Variants in CDH24 observed in about 807,000 individuals in gnomAD.
The protein encoded by CDH24 is cadherin 24, also known as cadherin-24.
Under a neutral mutation model 71.2 loss-of-function variants are expected in CDH24, and 61 were observed. The ratio of observed to expected loss-of-function variants is 0.86; its 90% CI spans 0.70 to 1.06. CDH24 has a LOEUF of 1.06. Ranked by LOEUF, CDH24 falls within the 50% of genes least tolerant of loss-of-function variation. The probability of loss-of-function intolerance (pLI) is 0.00; values close to 1 mark genes in which losing one functional copy is unlikely to be tolerated. For synonymous variants in CDH24, 440 were observed against 470.2 expected (o/e 0.94, Z 0.83); for missense variants, 961 against 1,083.7 (o/e 0.89, Z 1.59).
In CDH24 at chr14:23,055,060, G is replaced by T; in HGVS notation, c.495C>A (p.Val165=). ...YHATVPEMSN[V]GTSVIQVTAH... Reference sequence around the variant, plus strand: ...GGCATTCAGAGCTGGGGTGCTCACCGACATTGGACATCTCGGGCACGGTGG... The same window carrying T: ...GGCATTCAGAGCTGGGGTGCTCACCTACATTGGACATCTCGGGCACGGTGG... The change falls in exon 3 of 13, where the codon GTC becomes GTA. Residue 165 remains valine, a splice_region_variant and synonymous_variant. Coordinates refer to ENST00000487137, the MANE Select transcript of CDH24 (RefSeq NM_144985.4). The surrounding 1 kb of genome is among the most constrained non-coding windows in gnomAD (Gnocchi z 4.1). 1 of 1,608,058 alleles carries T rather than the reference G, an allele frequency of 6.2e-7. No homozygotes were observed. Among genetic ancestry groups the T allele is most frequent in the East Asian group, 2.2e-5 (1 of 44,700 alleles).
chr14:23,049,709 T>C lies in CDH24; in HGVS notation c.1515A>G (p.Arg505=), dbSNP rs11623976. The C allele has an allele frequency of 0.21, 345,522 of 1,610,400 alleles. 40,423 individuals carry two copies. Among genetic ancestry groups the C allele is most frequent in the Non-Finnish European group, 0.24 (278,572 of 1,177,342 alleles). The change falls in exon 10 of 13, where the codon AGA becomes AGG. Residue 505 remains arginine, a synonymous_variant. Transcript: ENST00000487137. ...QLIQVIRALD[R]DEVGNSSHVS... ...CATGGCTACTGTTGCCAACTTCATC[T>C]CTGTCCAGGGCCCGGATGACCTGAA...
chr14:23,051,044 C>T lies in CDH24; in HGVS notation c.1364-1101G>A, dbSNP rs992466868. 6.6e-6 allele frequency among the ~76,000 whole-genome samples: 1 copy of T among 152,092 alleles called. No homozygotes were observed. The highest frequency in any genetic ancestry group is 2.4e-5 in the African/African-American group (1 of 41,400). ...CAGTGACTAGAAACGCACACACACA[C>T]AAAGCTATGTATATATAAGCAGCCA... is the stretch of plus-strand genomic sequence containing the variant. On this transcript the variant is annotated intron_variant, in intron 8 of 12. Coordinates refer to ENST00000487137, the MANE Select transcript of CDH24 (RefSeq NM_144985.4). This position sits in a 1 kb window ranked among gnomAD's most constrained non-coding sequence, Gnocchi z 4.4.
intron 8 of CDH24, chr14:23,052,136 A>G (rs2047089202): frequency 2.0e-6 from 2 of 1,006,848 alleles, no homozygotes; most frequent in South Asian, 1.4e-5. Flanking sequence ...GTTGGGGGCT[A>G]TGTAAGGTCT....
chr14:23,049,459 G>A (rs770980362), intron 10 of CDH24, among the ~76,000 whole-genome samples, 168 bp downstream of exon 10: 1 of 152,086 alleles, frequency 6.6e-6, no homozygotes, highest in African/African-American at 2.4e-5. Context: ...AGCTTCCCAT[G>A]GGGAAGGTTT....
chr14:23,055,568 C>T lies in CDH24; in HGVS notation c.166G>A (p.Glu56Lys), dbSNP rs1287831055. Residue 56 changes from glutamate to lysine, a missense_variant, in exon 2 of 13, where the codon GAA becomes AAA. This residue lies in a region of CDH24 where 671 missense variants were observed against 810.9 expected (regional missense o/e 0.83). Coordinates refer to ENST00000487137, the MANE Select transcript of CDH24 (RefSeq NM_144985.4). The surrounding 1 kb of genome is among the most constrained non-coding windows in gnomAD (Gnocchi z 4.1). ...WVWNQFFVIEEYAGPEPVLIG... is the reference protein window; with the variant it reads ...WVWNQFFVIEKYAGPEPVLIG... ...AGAACAGGCTCTGGACCAGCATATT[C>T]CTCAATGACAAAGAACTGGTTCCAG... 2 of 1,613,964 alleles carry T rather than the reference C, an allele frequency of 1.2e-6. No homozygotes were observed. The highest frequency in any genetic ancestry group is 1.7e-6 in the Non-Finnish European group (2 of 1,180,036).
At position 23,050,599 on chromosome 14, in the gene CDH24, C is replaced by T. The variant is rs1353318167; in HGVS notation, c.1364-656G>A. ...ATCACTTATCTTGGGTAGAAAGGTGCTGCATGATCTACAGGGTGCAGAGCC... is the reference window on the plus strand; with the variant it reads ...ATCACTTATCTTGGGTAGAAAGGTGTTGCATGATCTACAGGGTGCAGAGCC... On this transcript the variant is annotated intron_variant, in intron 8 of 12. Transcript: ENST00000487137. Among the ~76,000 whole-genome samples the T allele has an allele frequency of 2.0e-5, 3 of 152,076 alleles. No homozygotes were observed. In the South Asian group the frequency reaches 6.2e-4, roughly 32 times the overall value.
rs1344055550 is a variant in CDH24, at chr14:23,054,883, C to T, written c.497-17G>A. On this transcript the variant is annotated splice_polypyrimidine_tract_variant and intron_variant, in intron 3 of 12. Transcript: ENST00000487137. This position sits in a 1 kb window ranked among gnomAD's most constrained non-coding sequence, Gnocchi z 5.2. ...CTGATGTCCCTGTGGGGGATGCCAG[C>T]ACGCCATTCAGCAGCAGCAGGGAAG... is the stretch of plus-strand genomic sequence containing the variant. 1 of 1,612,124 alleles carries T rather than the reference C, an allele frequency of 6.2e-7. No homozygotes were observed. Among genetic ancestry groups the T allele is most frequent in the Admixed American group, 1.7e-5 (1 of 60,002 alleles).
At position 23,054,913 on chromosome 14, in the gene CDH24, G is replaced by C. The variant is rs374922296; in HGVS notation, c.497-47C>G. 1 of 1,596,284 alleles carries C rather than the reference G, an allele frequency of 6.3e-7. No homozygotes were observed. On this transcript the variant is annotated intron_variant, in intron 3 of 12. Coordinates refer to ENST00000487137, the MANE Select transcript of CDH24 (RefSeq NM_144985.4). The surrounding 1 kb of genome is among the most constrained non-coding windows in gnomAD (Gnocchi z 5.2). ...CATTCAGCAGCAGCAGGGAAGGATG[G>C]GGAAGAACAACCGATGGGGGGGGAT...
chr14:23,049,286 G>T lies in CDH24; in HGVS notation c.1598-11C>A. On this transcript the variant is annotated splice_polypyrimidine_tract_variant and intron_variant, in intron 10 of 12. Transcript: ENST00000487137. ...GGCTGGCGGAGCCATCTGTGGGAGAGGGAAGGTGTTGAGGTATCTTCTGGG... is the reference window on the plus strand; with the variant it reads ...GGCTGGCGGAGCCATCTGTGGGAGATGGAAGGTGTTGAGGTATCTTCTGGG... 1 of 1,565,556 alleles carries T rather than the reference G, an allele frequency of 6.4e-7. No homozygotes were observed. The highest frequency in any genetic ancestry group is 1.2e-5 in the South Asian group (1 of 85,352).
intron 1 of CDH24, among the ~76,000 whole-genome samples, chr14:23,056,794 G>A (rs940895813): frequency 1.3e-5 from 2 of 152,028 alleles, no homozygotes; most frequent in African/African-American, 2.4e-5. Context: ...CACGGGAAGG[G>A]AGCTAGAGAG....
rs1205846407 is a variant in CDH24, at chr14:23,055,937, C to G, written c.-124-80G>C. The G allele has an allele frequency of 1.8e-6, 1 of 567,002 alleles. No individual in the cohort carries two copies. The highest frequency in any genetic ancestry group is 3.1e-6 in the Non-Finnish European group (1 of 318,220). The allele number at this position is 567,002 out of a possible 1,614,324, so 35.1% of individuals were successfully genotyped here. A position where few individuals can be genotyped will look rare whatever the true frequency, so the allele number is the denominator to read the frequency against. ...CAAAATTAGATGCTGAAGACCAGAC[C>G]TCCAAGGAACCAGACACTCCACTGC... On this transcript the variant is annotated intron_variant, in intron 1 of 12. Coordinates refer to ENST00000487137, the MANE Select transcript of CDH24 (RefSeq NM_144985.4). The surrounding 1 kb of genome is among the most constrained non-coding windows in gnomAD (Gnocchi z 4.1).
At position 23,052,486 on chromosome 14, in the gene CDH24, C is replaced by T. The variant is rs1355392478; in HGVS notation, c.1350G>A (p.Leu450=). The T allele has an allele frequency of 6.2e-7, 1 of 1,613,880 alleles. No homozygotes were observed. Among genetic ancestry groups the T allele is most frequent in the Admixed American group, 1.7e-5 (1 of 60,018 alleles). ...EARAWHNLTV[L]ATELDSSAQA... ...TGGAGTCCTCACCGAGCTCTGTAGC[C>T]AGCACAGTGAGGTTGTGCCAGGCGC... The change falls in exon 8 of 13, where the codon CTG becomes CTA. Residue 450 remains leucine (L), a synonymous_variant. Coordinates refer to ENST00000487137, the MANE Select transcript of CDH24 (RefSeq NM_144985.4).
Position 23,049,176 on chromosome 14 carries a change from A to C in CDH24, c.1697T>G (p.Leu566Arg). Residue 566 changes from leucine to arginine, a missense_variant, in exon 11 of 13, where the codon CTG (leucine) becomes CGG (arginine). Physicochemically the swap from Leu to Arg is moderately radical, Grantham distance 102. This residue lies in a region of CDH24 where 671 missense variants were observed against 810.9 expected (regional missense o/e 0.83). Coordinates refer to ENST00000487137, the MANE Select transcript of CDH24 (RefSeq NM_144985.4). ...AACAGTCACTGTGGCAGTGCTGCTC[A>C]GCGCCGGCTGCCCCCAGTCCCACAG... is the stretch of plus-strand genomic sequence containing the variant. ...IELWDWGQPA[L>R]SSTATVTVSV... 6.3e-7 allele frequency: 1 copy of C among 1,579,816 alleles called. No homozygotes were observed. The highest frequency in any genetic ancestry group is 1.1e-5 in the South Asian group (1 of 87,430).
At position 23,055,227 on chromosome 14, in the gene CDH24, C is replaced by T; in HGVS notation, c.328G>A (p.Glu110Lys). The T allele has an allele frequency of 6.2e-7, 1 of 1,614,180 alleles. No homozygotes were observed. The highest frequency in any genetic ancestry group is 8.5e-7 in the Non-Finnish European group (1 of 1,180,010). Residue 110 changes from glutamate (E) to lysine (K), a missense_variant, in exon 3 of 13, where the codon GAG becomes AAG. By Grantham distance (56) the Glu-to-Lys change is moderately conservative (BLOSUM62 1). Transcript: ENST00000487137. This position sits in a 1 kb window ranked among gnomAD's most constrained non-coding sequence, Gnocchi z 4.1. ...NIHVTKSLDR[E>K]EKAQYVLLAQ... ...AGTAGCACATATTGCGCCTTTTCCTCCCGGTCAAGGCTCTTGGTAACATGA... is the reference window on the plus strand; with the variant it reads ...AGTAGCACATATTGCGCCTTTTCCTTCCGGTCAAGGCTCTTGGTAACATGA...
Position 23,049,940 on chromosome 14 carries a change from C to A in CDH24, c.1367G>T (p.Ser456Ile), listed in dbSNP as rs748127257. ...NLTVLATELD[S>I]SAQASRVQVA... ...TTGCACGCGCGAGGCCTGTGCAGAA[C>A]TGTCTGAAGGCAGAACACCAAAACA... The change falls in exon 9 of 13, where the codon AGT becomes ATT. Residue 456 changes from serine to isoleucine, a missense_variant. This residue lies in a region of CDH24 where 671 missense variants were observed against 810.9 expected (regional missense o/e 0.83). Coordinates refer to ENST00000487137, the MANE Select transcript of CDH24 (RefSeq NM_144985.4). The A allele has an allele frequency of 8.7e-6, 14 of 1,613,072 alleles. No individual in the cohort carries two copies. In the South Asian group the frequency reaches 1.5e-4, roughly 18 times the overall value.
At position 23,055,213 on chromosome 14, in the gene CDH24, T is replaced by C. The variant is rs1182471808; in HGVS notation, c.342A>G (p.Gln114=). 1.9e-6 allele frequency: 3 copies of C among 1,614,162 alleles called. No individual in the cohort carries two copies. The highest frequency in any genetic ancestry group is 2.2e-5 in the South Asian group (2 of 91,086). The part of the protein sequence containing the change: ...TKSLDREEKA[Q]YVLLAQAVDR... ...CCACGGCTTGGGCCAGTAGCACATA[T>C]TGCGCCTTTTCCTCCCGGTCAAGGC... is the stretch of plus-strand genomic sequence containing the variant. Residue 114 remains glutamine, a synonymous_variant, in exon 3 of 13, where the codon CAA becomes CAG. Coordinates refer to ENST00000487137, the MANE Select transcript of CDH24 (RefSeq NM_144985.4). The surrounding 1 kb of genome is among the most constrained non-coding windows in gnomAD (Gnocchi z 4.1).
Position 23,054,031 on chromosome 14 carries a change from A to C in CDH24, c.972+110T>G. 3 of 1,202,488 alleles carry C rather than the reference A, an allele frequency of 2.5e-6. No individual in the cohort carries two copies. The South Asian group carries it at 4.5e-5, about 18-fold the overall frequency. 74.5% of individuals were successfully genotyped at this position (1,202,488 alleles called of 1,614,324 possible). Reference sequence around the variant, plus strand: ...GATGAGGAGGTGACCATGATCTCTAAGCTCCAACAGAGAGATCCTGAGTCT... The same window carrying C: ...GATGAGGAGGTGACCATGATCTCTACGCTCCAACAGAGAGATCCTGAGTCT... On this transcript the variant is annotated intron_variant, in intron 6 of 12. Transcript: ENST00000487137. This position sits in a 1 kb window ranked among gnomAD's most constrained non-coding sequence, Gnocchi z 5.2.
At chr14:23,048,563 A>G in intron 11 of CDH24, 84 bp from the exon 12 acceptor site, 1 of 1,383,944 alleles carries the variant, frequency 7.2e-7, no homozygotes, top group Non-Finnish European at 1.0e-6. Context: ...CTGACCCATC[A>G]GGTGACAGAA....
Position 23,049,080 on chromosome 14 carries a change from C to G in CDH24, c.1793G>C (p.Gly598Ala). ...CWPEAHLSAA[G>A]LSTGALLAII... ...GGCAAGCAGGGCGCCGGTGCTGAGCCCAGCAGCTGAGAGGTGAGCCTCAGG... is the reference window on the plus strand; with the variant it reads ...GGCAAGCAGGGCGCCGGTGCTGAGCGCAGCAGCTGAGAGGTGAGCCTCAGG... Residue 598 changes from glycine (G) to alanine (A), a missense_variant, in exon 11 of 13, where the codon GGG becomes GCG. Gly to Ala is a moderately conservative substitution (Grantham distance 60). Coordinates refer to ENST00000487137, the MANE Select transcript of CDH24 (RefSeq NM_144985.4). 1 of 1,612,432 alleles carries G rather than the reference C, an allele frequency of 6.2e-7. No homozygotes were observed. Among genetic ancestry groups the G allele is most frequent in the Non-Finnish European group, 8.5e-7 (1 of 1,179,698 alleles).
Sources: allele counts gnomAD v4.1 joint callset (sites outside exome capture counted in the v4.1 genomes callset), GRCh38; gene constraint gnomAD v4.1.1; regional missense constraint gnomAD v4.1.1; non-coding constraint Gnocchi (gnomAD v3.1); transcripts MANE v1.5; gene names NCBI Gene and HGNC (gene_info 2026-07-23, HGNC 2026-07-21).